The following NTM variants were observed in gnomAD, a reference collection of about 807,000 sequenced individuals.
NTM encodes IgLON family member 2.
NTM carries 13 observed loss-of-function variants against 42.1 expected under a neutral mutation model. The ratio of observed to expected loss-of-function variants is 0.31; its 90% CI spans 0.20 to 0.49. NTM has a LOEUF of 0.49. NTM is among the 20% of genes least tolerant of loss of function. The pLI, the probability that NTM is intolerant of heterozygous loss-of-function variation, is 0.99. For synonymous variants in NTM, 187 were observed against 179.2 expected, an observed-to-expected ratio of 1.04 and a Z score of -0.35; for missense variants, 373 against 452.8, an observed-to-expected ratio of 0.82 and a Z score of 1.60.
At chr11:131,867,864 G>C (rs1203621764) in intron 1 of NTM, among the ~76,000 whole-genome samples, 4 of 152,156 alleles carry the variant, frequency 2.6e-5, no homozygotes, top group Non-Finnish European at 5.9e-5. Context: ...CCAGCAGATG[G>C]AGCTGAAGGT....
At chr11:131,795,992 T>G in intron 1 of NTM, 1 of 985,166 alleles carries the variant, frequency 1.0e-6, no homozygotes, top group Non-Finnish European at 1.2e-6. Flanking sequence ...TGTTTCAGAT[T>G]GAAGAAGTTG....
In NTM at chr11:131,401,824, A is replaced by ATGTGTG. The variant is rs1555101767; in HGVS notation, c.82+30937_82+30938insGTGTGT. Among the ~76,000 whole-genome samples, 455 of 64,102 alleles carry ATGTGTG rather than the reference A, an allele frequency of 7.1e-3. 42 individuals are homozygous for ATGTGTG. The highest frequency in any genetic ancestry group is 0.026 in the African/African-American group (445 of 17,234). 42.1% of individuals were successfully genotyped at this position (64,102 alleles called of 152,430 possible). ...AATATATATATATATATATATATAT[A>ATGTGTG]TATATATATATATATATATATATAT... On this transcript the variant is annotated intron_variant, in intron 1 of 8. Transcript: ENST00000683400.
At chr11:131,569,754 GT>G (rs981006883) in intron 1 of NTM, among the ~76,000 whole-genome samples, 7 of 151,688 alleles carry the variant, frequency 4.6e-5, no homozygotes, top group Admixed American at 3.3e-4. Flanking sequence ...CTTTTAAAAA[GT>G]TTTTTTTGTA....
At chr11:132,327,339 A>C (rs1052989560) in intron 7 of NTM, among the ~76,000 whole-genome samples, 1 of 152,228 alleles carries the variant, frequency 6.6e-6, no homozygotes, top group Admixed American at 6.5e-5. Context: ...TGTAAACCTC[A>C]AAGTGACCAT....
intron 1 of NTM, among the ~76,000 whole-genome samples, chr11:131,753,218 A>C (rs1027701019): frequency 1.6e-4 from 24 of 152,244 alleles, no homozygotes; most frequent in Non-Finnish European, 3.1e-4. Context: ...TTAGAATGGC[A>C]ATCATTAAAA....
At chr11:132,071,363 G>T (rs560805079) in intron 2 of NTM, among the ~76,000 whole-genome samples, 2 of 150,236 alleles carry the variant, frequency 1.3e-5, no homozygotes, top group Admixed American at 1.3e-4. Flanking sequence ...AAGTTAACAC[G>T]TCACACTGAC....
Position 132,335,356 on chromosome 11 carries a change from A to T in NTM, c.*210A>T. On this transcript the variant is annotated 3_prime_UTR_variant, in exon 9 of 9. Transcript: ENST00000683400. ...AAAGAAATTGAAAATTGCCTTGCAG[A>T]TATTTAGGTACAATGGAGTTTTCTT... 1 of 576,070 alleles carries T rather than the reference A, an allele frequency of 1.7e-6. No individual in the cohort carries two copies. The highest frequency in any genetic ancestry group is 2.1e-5 in the South Asian group (1 of 47,842). The allele number at this position is 576,070 out of a possible 1,614,324, so 35.7% of individuals were successfully genotyped here.
At chr11:132,024,167 G>T (rs2074827240) in intron 2 of NTM, among the ~76,000 whole-genome samples, 1 of 151,688 alleles carries the variant, frequency 6.6e-6, no homozygotes, top group East Asian at 1.9e-4. Context: ...GGAGGATAGG[G>T]TATGTTTGTT....
intron 2 of NTM, among the ~76,000 whole-genome samples, chr11:132,102,986 AG>A (rs1300605635): frequency 6.6e-6 from 1 of 152,234 alleles, no homozygotes; most frequent in African/African-American, 2.4e-5. Context: ...TGGACTGGAA[AG>A]GCCACAGGTT....
chr11:131,584,509 A>G (rs1405565617), intron 1 of NTM, among the ~76,000 whole-genome samples: 3 of 152,306 alleles, frequency 2.0e-5, no homozygotes, highest in Non-Finnish European at 2.9e-5. Flanking sequence ...AGCCGGGACT[A>G]TATGTGAGAA....
intron 1 of NTM, among the ~76,000 whole-genome samples, chr11:131,889,110 T>G (rs2050850859): frequency 6.6e-6 from 1 of 152,114 alleles, no homozygotes; most frequent in South Asian, 2.1e-4. Flanking sequence ...CCTGCACCAG[T>G]GCAAGAGAAA....
chr11:132,083,250 A>G (rs1226903386), intron 2 of NTM, among the ~76,000 whole-genome samples: 1 of 152,208 alleles, frequency 6.6e-6, no homozygotes, highest in African/African-American at 2.4e-5. Flanking sequence ...TTAATGACAA[A>G]TCTATGATTA....
intron 3 of NTM, among the ~76,000 whole-genome samples, chr11:132,204,145 A>G (rs1171220073): frequency 1.3e-5 from 2 of 152,204 alleles, no homozygotes; most frequent in Non-Finnish European, 2.9e-5. Context: ...TAGAGAGAAT[A>G]TCTATTTGTG....
At chr11:132,240,581 T>C (rs1182681540) in intron 4 of NTM, among the ~76,000 whole-genome samples, 1 of 152,234 alleles carries the variant, frequency 6.6e-6, no homozygotes, top group African/African-American at 2.4e-5. Context: ...AACCCTCAGC[T>C]TAGCTCTAGA....
intron 1 of NTM, among the ~76,000 whole-genome samples, chr11:131,633,676 T>C (rs1592298799): frequency 2.8e-5 from 3 of 105,630 alleles, no homozygotes; most frequent in African/African-American, 3.7e-5. Context: ...CCTCTCTCCC[T>C]CCCTCTCTCT....
intron 1 of NTM, among the ~76,000 whole-genome samples, chr11:131,538,938 T>TC (rs1361970185): frequency 6.7e-6 from 1 of 149,490 alleles, no homozygotes; most frequent in Admixed American, 6.7e-5. Flanking sequence ...TTTTTTTTTT[T>TC]TTTAATTTTT....
At chr11:131,644,976 A>G (rs575851661) in intron 1 of NTM, among the ~76,000 whole-genome samples, 1 of 152,132 alleles carries the variant, frequency 6.6e-6, no homozygotes, top group Non-Finnish European at 1.5e-5. Flanking sequence ...GGCTCACAGC[A>G]TTGCCAAGCG....
chr11:131,905,602 G>A (rs1483499260), intron 1 of NTM, among the ~76,000 whole-genome samples: 1 of 151,994 alleles, frequency 6.6e-6, no homozygotes, highest in Non-Finnish European at 1.5e-5. Flanking sequence ...TTCCAGGCAC[G>A]ATGAGAATCT....
intron 2 of NTM, among the ~76,000 whole-genome samples, chr11:132,061,886 G>A (rs1043157994): frequency 1.3e-5 from 2 of 152,118 alleles, no homozygotes; most frequent in Non-Finnish European, 2.9e-5. Flanking sequence ...CTTTTGTTCA[G>A]CAGCAGCTGG....
Sources: gnomAD v4.1 joint callset for allele counts (sites outside exome capture counted in the v4.1 genomes callset) on GRCh38, gnomAD v4.1.1 for gene constraint, MANE v1.5 for transcripts, NCBI Gene and HGNC (gene_info 2026-07-23, HGNC 2026-07-21) for gene names.